The following GALNT13 variants were observed in gnomAD, a reference collection of about 807,000 sequenced individuals.
The protein encoded by GALNT13 is UDP-GalNAc:polypeptide N-acetylgalactosaminyltransferase 13.
A neutral mutation model predicts 64.2 loss-of-function variants in GALNT13; 28 were observed. The observed-to-expected ratio is 0.44, with a 90% CI of 0.32 to 0.60. The LOEUF (loss-of-function observed/expected upper bound fraction) is 0.60. Among genes scored for constraint, GALNT13 ranks in the 20% least tolerant of loss-of-function variants. GALNT13 has a pLI of 0.05. For missense variants in GALNT13, 577 were observed against 669.8 expected (o/e 0.86, Z 1.53); for synonymous variants, 214 against 224.6 (o/e 0.95, Z 0.42).
the GALNT13 span, among the ~76,000 whole-genome samples, chr2:153,072,250 T>C: frequency 1.1e-4 from 16 of 152,132 alleles, no homozygotes; most frequent in Non-Finnish European, 1.9e-4. Context: ...AAATAACTCT[T>C]ACCTACCGCT....
the GALNT13 span, among the ~76,000 whole-genome samples, chr2:153,789,820 T>C: frequency 2.6e-5 from 4 of 151,912 alleles, no homozygotes; most frequent in South Asian, 8.3e-4. Flanking sequence ...GCACACAAAC[T>C]AGAAAACCTA....
the GALNT13 span, among the ~76,000 whole-genome samples, chr2:153,297,054 A>AG: frequency 3.3e-5 from 5 of 152,332 alleles, no homozygotes; most frequent in East Asian, 9.6e-4. Context: ...ATTCCTAACA[A>AG]AGCAATCAGA....
chr2:153,343,076 C>T, the GALNT13 span, among the ~76,000 whole-genome samples: 2 of 152,148 alleles, frequency 1.3e-5, no homozygotes, highest in Admixed American at 1.3e-4. Context: ...AAATGTGTAA[C>T]GTTTGTCACT....
At chr2:154,264,169 C>A (rs1690853471) in intron 8 of GALNT13, among the ~76,000 whole-genome samples, 1 of 152,100 alleles carries the variant, frequency 6.6e-6, no homozygotes, top group Admixed American at 6.5e-5. Context: ...TGTGAGGAAA[C>A]AATCCAAGTC....
chr2:153,717,774 G>A, the GALNT13 span, among the ~76,000 whole-genome samples: 1 of 152,190 alleles, frequency 6.6e-6, no homozygotes, highest in Admixed American at 6.5e-5. Context: ...TCTAACAGTA[G>A]TTGGTTAACT....
the GALNT13 span, among the ~76,000 whole-genome samples, chr2:153,581,767 T>A: frequency 2.0e-5 from 3 of 152,272 alleles, no homozygotes; most frequent in Admixed American, 6.5e-5. Flanking sequence ...AGCTTAAGCA[T>A]GCCAAAGACC....
the GALNT13 span, among the ~76,000 whole-genome samples, chr2:153,216,448 G>T: frequency 1.3e-5 from 2 of 151,912 alleles, no homozygotes; most frequent in Admixed American, 1.3e-4. Flanking sequence ...ACTTCTAGTT[G>T]CTCTGCATCC....
the GALNT13 span, among the ~76,000 whole-genome samples, chr2:153,517,829 C>T: frequency 6.6e-6 from 1 of 152,104 alleles, no homozygotes; most frequent in African/African-American, 2.4e-5. Context: ...TATATAGTTT[C>T]AAGGTATCTC....
chr2:153,365,402 A>G, the GALNT13 span, among the ~76,000 whole-genome samples: 1 of 152,230 alleles, frequency 6.6e-6, no homozygotes, highest in East Asian at 1.9e-4. Flanking sequence ...GGATCTAATC[A>G]AACTAAAGCA....
At chr2:153,716,620 A>T in the GALNT13 span, among the ~76,000 whole-genome samples, 1 of 152,198 alleles carries the variant, frequency 6.6e-6, no homozygotes, top group Non-Finnish European at 1.5e-5. Context: ...GTATTGTTGC[A>T]GTCATATTGT....
At chr2:153,773,654 T>C in the GALNT13 span, among the ~76,000 whole-genome samples, 5 of 152,194 alleles carry the variant, frequency 3.3e-5, no homozygotes, top group Non-Finnish European at 5.9e-5. Flanking sequence ...ACAGTCAATG[T>C]AATATAAGAG....
chr2:154,404,729 T>C (rs1001545356), intron 10 of GALNT13, among the ~76,000 whole-genome samples: 4 of 152,110 alleles, frequency 2.6e-5, no homozygotes, highest in Admixed American at 2.6e-4. Flanking sequence ...GAAGACACTT[T>C]GGGGAATAAA....
the GALNT13 span, among the ~76,000 whole-genome samples, chr2:153,402,885 C>T: frequency 2.6e-5 from 4 of 152,264 alleles, no homozygotes; most frequent in South Asian, 2.1e-4. Flanking sequence ...GTCCTCCCGT[C>T]GCTCACAGTA....
the GALNT13 span, among the ~76,000 whole-genome samples, chr2:153,372,472 C>A: frequency 6.6e-6 from 1 of 151,964 alleles, no homozygotes; most frequent in Non-Finnish European, 1.5e-5. Flanking sequence ...ATGGTGAAAC[C>A]CCGTCTCTAC....
chr2:153,700,791 C>T, the GALNT13 span, among the ~76,000 whole-genome samples: 23 of 152,058 alleles, frequency 1.5e-4, no homozygotes, highest in African/African-American at 5.1e-4. Flanking sequence ...ACAAGGGACA[C>T]GAAGGACCTC....
At chr2:154,437,007 C>A (rs1022201021) in intron 11 of GALNT13, 1 of 152,254 alleles carries the variant, frequency 6.6e-6, no homozygotes, top group Non-Finnish European at 1.5e-5. Flanking sequence ...GCCTCTCCCA[C>A]TCAGCCTCCC....
At chr2:153,096,608 G>A in the GALNT13 span, among the ~76,000 whole-genome samples, 1 of 152,130 alleles carries the variant, frequency 6.6e-6, no homozygotes, top group Non-Finnish European at 1.5e-5. Flanking sequence ...CTTTATTAGT[G>A]TGTAGTGACC....
chr2:154,328,093 T>G (rs1694973474), intron 9 of GALNT13, among the ~76,000 whole-genome samples: 2 of 152,070 alleles, frequency 1.3e-5, no homozygotes, highest in Admixed American at 1.3e-4. Flanking sequence ...TACACGAAAA[T>G]GAATATCTTT....
chr2:153,660,958 C>T, the GALNT13 span, among the ~76,000 whole-genome samples: 1 of 152,188 alleles, frequency 6.6e-6, no homozygotes, highest in South Asian at 2.1e-4. Flanking sequence ...CTAGTGTACA[C>T]AGTACTTCAC....
Sources: allele counts gnomAD v4.1 joint callset (sites outside exome capture counted in the v4.1 genomes callset), GRCh38; gene constraint gnomAD v4.1.1; transcripts MANE v1.5; gene names NCBI Gene and HGNC (gene_info 2026-07-23, HGNC 2026-07-21).